Variants in PRICKLE2 observed in about 807,000 individuals in gnomAD.
The protein encoded by PRICKLE2 is prickle-like protein 2.
A neutral mutation model predicts 81.4 loss-of-function variants in PRICKLE2; 21 were observed. The observed-to-expected ratio is 0.26, with a 90% CI of 0.18 to 0.37. The LOEUF (loss-of-function observed/expected upper bound fraction) is 0.37. Ranked by LOEUF, PRICKLE2 falls within the 10% of genes least tolerant of loss-of-function variation. The probability of loss-of-function intolerance (pLI) is 1.00; values close to 1 mark genes in which losing one functional copy is unlikely to be tolerated. For missense variants in PRICKLE2, 940 were observed against 1,109.0 expected, an observed-to-expected ratio of 0.85 and a Z score of 2.16; for synonymous variants, 456 against 421.5, an observed-to-expected ratio of 1.08 and a Z score of -1.00.
At position 64,147,921 on chromosome 3, in the gene PRICKLE2, CAA is replaced by C. The variant is rs1202960551; in HGVS notation, c.788-221_788-220del. Among the ~76,000 whole-genome samples, 4 of 152,174 alleles carry C rather than the reference CAA, an allele frequency of 2.6e-5. No individual in the cohort carries two copies. The highest frequency in any genetic ancestry group is 7.2e-5 in the African/African-American group (3 of 41,448). On this transcript the variant is annotated intron_variant, in intron 6 of 7. Coordinates refer to ENST00000638394, the MANE Select transcript of PRICKLE2 (RefSeq NM_198859.4). The surrounding 1 kb of genome is among the most constrained non-coding windows in gnomAD (Gnocchi z 5.0). ...CGCCTTAACTCATTTGCTCCAAGCACAAAGACTCTAGGTTAAAATGGCTTGTC... is the reference window on the plus strand; with the variant it reads ...CGCCTTAACTCATTTGCTCCAAGCACAGACTCTAGGTTAAAATGGCTTGTC...
intron 2 of PRICKLE2, among the ~76,000 whole-genome samples, chr3:64,247,861 G>A (rs1202426295): frequency 1.3e-5 from 2 of 152,160 alleles, no homozygotes; most frequent in Non-Finnish European, 2.9e-5. Context: ...TCAAACACAA[G>A]TGGTTGTAAA....
At chr3:64,228,880 G>T (rs1422505285), upstream of PRICKLE2, among the ~76,000 whole-genome samples, 6 of 152,284 alleles carry the variant, frequency 3.9e-5, no homozygotes, top group African/African-American at 1.4e-4. Context: ...TAGGAAAAAG[G>T]ACAAGGAAGA....
At chr3:64,161,862 G>A (rs1007211351) in intron 3 of PRICKLE2, among the ~76,000 whole-genome samples, 5 of 152,016 alleles carry the variant, frequency 3.3e-5, no homozygotes, top group South Asian at 2.1e-4. Context: ...GTAAAAACCC[G>A]CATTTTCACT....
intron 2 of PRICKLE2, chr3:64,163,470 TTC>T (rs2077768141): frequency 2.7e-6 from 1 of 372,238 alleles, no homozygotes; most frequent in Non-Finnish European, 5.1e-6. Flanking sequence ...CTTTACCATT[TTC>T]TCTGTTAGTC....
Position 64,092,278 on chromosome 3 carries a change from T to C in PRICKLE2, c.*6773A>G, listed in dbSNP as rs1473291131. ...AGTTTTTATTCAAAAGCTCTTAGAA[T>C]GTCTTACAATGAAACAACTCTTGTT... is the stretch of plus-strand genomic sequence containing the variant. On this transcript the variant is annotated 3_prime_UTR_variant, in exon 8 of 8. Transcript: ENST00000638394. The C allele has an allele frequency of 1.3e-5, 2 of 152,242 alleles. No homozygotes were observed. The highest frequency in any genetic ancestry group is 1.3e-4 in the Admixed American group (2 of 15,278). 9.4% of individuals were successfully genotyped at this position (152,242 alleles called of 1,614,324 possible). A position where few individuals can be genotyped will look rare whatever the true frequency, so the allele number is the denominator to read the frequency against.
intron 7 of PRICKLE2, chr3:64,101,977 C>T (rs2076672574): frequency 6.6e-6 from 1 of 152,150 alleles, no homozygotes; most frequent in South Asian, 2.1e-4. Context: ...CTGCATGCCT[C>T]CAGTTGAGAT....
intron 7 of PRICKLE2, among the ~76,000 whole-genome samples, chr3:64,138,686 T>C (rs1300855163): frequency 6.6e-6 from 1 of 152,228 alleles, no homozygotes; most frequent in Non-Finnish European, 1.5e-5. Context: ...AGTTCTGCAA[T>C]ACCAATGAAC....
chr3:64,235,121 C>T (rs916887083), intron 2 of PRICKLE2, among the ~76,000 whole-genome samples: 1 of 152,108 alleles, frequency 6.6e-6, no homozygotes, highest in Non-Finnish European at 1.5e-5. Context: ...TCAAATCTGC[C>T]AATATTTTTC....
Position 64,120,098 on chromosome 3 carries a change from T to C in PRICKLE2, c.1661-20173A>G, listed in dbSNP as rs376735008. ...GAAGCAAGGTTTGAAAATCTAACTA[T>C]TGGGTACTATGCTCAGTACCTGGGT... On this transcript the variant is annotated intron_variant, in intron 7 of 7. Coordinates refer to ENST00000638394, the MANE Select transcript of PRICKLE2 (RefSeq NM_198859.4). 9.9e-5 allele frequency among the ~76,000 whole-genome samples: 15 copies of C among 152,234 alleles called. No individual in the cohort carries two copies. In the South Asian group the frequency reaches 2.7e-3, roughly 27 times the overall value.
intron 5 of PRICKLE2, 162 bp from the exon 6 acceptor site, chr3:64,153,530 A>G (rs767011650): frequency 6.2e-6 from 4 of 647,322 alleles, no homozygotes; most frequent in South Asian, 1.8e-5. Context: ...CTGTATGTAT[A>G]TCAGTTCCTA....
At chr3:64,258,549 G>T (rs533691954) in intron 2 of PRICKLE2, among the ~76,000 whole-genome samples, 2 of 151,954 alleles carry the variant, frequency 1.3e-5, no homozygotes, top group Non-Finnish European at 2.9e-5. Flanking sequence ...GGCTGGGTGT[G>T]GTGGCTCACG....
chr3:64,178,971 C>CTTTCT, intron 2 of PRICKLE2, among the ~76,000 whole-genome samples: 1 of 52,900 alleles, frequency 1.9e-5, no homozygotes. Flanking sequence ...TATTTTCTTT[C>CTTTCT]TTTCTTTCTT....
chr3:64,176,731 T>A (rs17721463), intron 2 of PRICKLE2, among the ~76,000 whole-genome samples: 1 of 152,124 alleles, frequency 6.6e-6, no homozygotes, highest in Non-Finnish European at 1.5e-5. Flanking sequence ...CCAGAAAATA[T>A]GAAAATGAAG....
intron 2 of PRICKLE2, among the ~76,000 whole-genome samples, chr3:64,170,841 C>T (rs928820484): frequency 1.3e-5 from 2 of 152,010 alleles, no homozygotes; most frequent in African/African-American, 2.4e-5. Context: ...CGCCACTGCC[C>T]TCCAGCCTGG....
At position 64,147,761 on chromosome 3, in the gene PRICKLE2, C is replaced by T. The variant is rs1192926223; in HGVS notation, c.788-59G>A. 99 of 1,583,142 alleles carry T rather than the reference C, an allele frequency of 6.3e-5. 1 individual carries two copies. The South Asian group carries it at 9.7e-4, about 15-fold the overall frequency. On this transcript the variant is annotated intron_variant, in intron 6 of 7. Coordinates refer to ENST00000638394, the MANE Select transcript of PRICKLE2 (RefSeq NM_198859.4). The surrounding 1 kb of genome is among the most constrained non-coding windows in gnomAD (Gnocchi z 5.0). ...AGCTGCTCAGAGCTCTGCACTGGGACGTGAAACACATAGCACCTTGGTTTG... is the reference window on the plus strand; with the variant it reads ...AGCTGCTCAGAGCTCTGCACTGGGATGTGAAACACATAGCACCTTGGTTTG...
chr3:64,187,137 G>A (rs72040), intron 2 of PRICKLE2, among the ~76,000 whole-genome samples: 104,171 of 152,136 alleles, frequency 0.68, 36,427 homozygotes, highest in East Asian at 0.95. Flanking sequence ...GAATCTGGCC[G>A]TGTTGCTGCT....
intron 1 of PRICKLE2, among the ~76,000 whole-genome samples, chr3:64,204,565 C>A (rs2078647277): frequency 1.7e-5 from 2 of 117,382 alleles, no homozygotes; most frequent in South Asian, 6.1e-4. Flanking sequence ...TACTTCTGAA[C>A]AACAACAACA....
chr3:64,110,106 G>T (rs771392454), intron 7 of PRICKLE2, among the ~76,000 whole-genome samples: 1 of 152,194 alleles, frequency 6.6e-6, no homozygotes, highest in Non-Finnish European at 1.5e-5. Flanking sequence ...GCTCCATGGG[G>T]GATTCTGGTT....
intron 7 of PRICKLE2, among the ~76,000 whole-genome samples, chr3:64,103,881 G>C (rs1453436392): frequency 6.6e-6 from 1 of 152,166 alleles, no homozygotes; most frequent in Non-Finnish European, 1.5e-5. Context: ...TTGGGAGACT[G>C]AGGTGGCAGT....
Sources: gnomAD v4.1 joint callset for allele counts (sites outside exome capture counted in the v4.1 genomes callset) on GRCh38, gnomAD v4.1.1 for gene constraint, Gnocchi (gnomAD v3.1) non-coding constraint, MANE v1.5 for transcripts, NCBI Gene and HGNC (gene_info 2026-07-23, HGNC 2026-07-21) for gene names.